Variants in AATK observed in about 807,000 individuals in gnomAD.
AATK encodes the protein lemur tail kinase 1.
A neutral mutation model predicts 114.3 loss-of-function variants in AATK; 91 were observed. The ratio of observed to expected loss-of-function variants is 0.80; its 90% CI spans 0.67 to 0.95. The LOEUF is 0.95. AATK is among the 40% of genes least tolerant of loss of function. The probability of loss-of-function intolerance (pLI) is 0.00; values close to 1 mark genes in which losing one functional copy is unlikely to be tolerated. For synonymous variants in AATK, 1,075 were observed against 916.5 expected (o/e 1.17, Z -3.12); for missense variants, 2,176 against 1,965.2 (o/e 1.11, Z -2.03).
intron 3 of AATK, chr17:81,128,995 G>A: frequency 2.2e-6 from 2 of 909,982 alleles, no homozygotes; most frequent in South Asian, 6.0e-5. Context: ...TCCTTTGTTG[G>A]GGGCTGCTTG....
rs2060683454 is a variant in AATK at position 81,120,246 on chromosome 17, C to T, written c.3690G>A (p.Lys1230=). Residue 1230 remains lysine, a synonymous_variant, in exon 11 of 14, where the codon AAG becomes AAA. Coordinates refer to ENST00000326724, the MANE Select transcript of AATK (RefSeq NM_001080395.3). The part of the protein sequence containing the change: ...TFCEDLERKK[K]AVSFFDDVTV... ...TGACGTCGTCGAAGAAGGACACGGC[C>T]TTCTTCTTGCGTTCCAGGTCCTCGC... The T allele has an allele frequency of 6.3e-7, 1 of 1,595,946 alleles. No homozygotes were observed. The highest frequency in any genetic ancestry group is 8.6e-7 in the Non-Finnish European group (1 of 1,167,690).
rs1421397622 is a variant in AATK, at chr17:81,133,835, C to G, written c.189+533G>C. 5.3e-5 allele frequency among the ~76,000 whole-genome samples: 8 copies of G among 152,168 alleles called. No homozygotes were observed. The East Asian group carries it at 1.5e-3, about 29-fold the overall frequency. ...GGCTCCCTAACCAGCAGGCTGGGCT[C>G]TAGCATCACACATCGTCCCCTCCAG... On this transcript the variant is annotated intron_variant, in intron 2 of 13. Coordinates refer to ENST00000326724, the MANE Select transcript of AATK (RefSeq NM_001080395.3).
At chr17:81,148,947 G>A (rs1456705377) in intron 1 of AATK, among the ~76,000 whole-genome samples, 1 of 152,188 alleles carries the variant, frequency 6.6e-6, no homozygotes, top group Non-Finnish European at 1.5e-5. Flanking sequence ...AGTTGGCGAG[G>A]TGTCCCCAGG....
In AATK at chr17:81,157,473, G is replaced by A. The variant is rs546350238; in HGVS notation, c.55+8465C>T. Reference sequence around the variant, plus strand: ...AGTGCTAGGACCAGCCCTACTCTCTGCTGCAGGGAACCCCCGCACAGTTCC... The same window carrying A: ...AGTGCTAGGACCAGCCCTACTCTCTACTGCAGGGAACCCCCGCACAGTTCC... On this transcript the variant is annotated intron_variant, in intron 1 of 13. Transcript: ENST00000326724. Among the ~76,000 whole-genome samples, 3 of 152,270 alleles carry A rather than the reference G, an allele frequency of 2.0e-5. No individual in the cohort carries two copies. The East Asian group carries it at 5.8e-4, about 29-fold the overall frequency.
At chr17:81,160,775 G>A (rs2061421719) in intron 1 of AATK, among the ~76,000 whole-genome samples, 1 of 152,240 alleles carries the variant, frequency 6.6e-6, no homozygotes, top group African/African-American at 2.4e-5. Flanking sequence ...GGGGTCAGGT[G>A]GCCCTCGAGA....
chr17:81,145,620 C>T (rs2061206023), intron 1 of AATK, among the ~76,000 whole-genome samples: 1 of 151,306 alleles, frequency 6.6e-6, no homozygotes, highest in Non-Finnish European at 1.5e-5. Context: ...GTAATCCTAG[C>T]TACTCGGGAG....
chr17:81,165,395 C>T (rs1598239850), intron 1 of AATK: 1 of 274,766 alleles, frequency 3.6e-6, no homozygotes, highest in Non-Finnish European at 7.4e-6. Flanking sequence ...GATCTGGGCA[C>T]CCACCAAGGC....
At chr17:81,151,277 GC>G (rs59399845) in intron 1 of AATK, among the ~76,000 whole-genome samples, 137,701 of 137,798 alleles carry the variant, frequency 1, 68,802 homozygotes, top group Middle Eastern at 1. Context: ...CCCAGGCCCA[GC>G]CCCACCTGTC....
At chr17:81,165,601 C>A in intron 1 of AATK, 5 of 1,394,750 alleles carry the variant, frequency 3.6e-6, no homozygotes, top group Non-Finnish European at 4.7e-6. Context: ...CTGACACCCC[C>A]CACACCCCCA....
intron 1 of AATK, chr17:81,165,612 A>G (rs2061478023): frequency 1.4e-6 from 2 of 1,423,092 alleles, no homozygotes; most frequent in Non-Finnish European, 1.9e-6. Context: ...CACACCCCCA[A>G]GGGCCCTTAG....
intron 7 of AATK, chr17:81,125,818 T>TGGGTTG (rs1403003475): frequency 3.0e-5 from 8 of 264,070 alleles, no homozygotes; most frequent in Non-Finnish European, 5.5e-5. Context: ...TGGAGTGGGG[T>TGGGTTG]GGGTTGGGGT....
At chr17:81,138,894 CAT>C (rs2061077793) in intron 1 of AATK, among the ~76,000 whole-genome samples, 1 of 152,016 alleles carries the variant, frequency 6.6e-6, no homozygotes, top group Non-Finnish European at 1.5e-5. Context: ...CACGCACACA[CAT>C]ATAACCACAC....
rs538425310 is a variant in AATK at position 81,118,248 on chromosome 17, G to T, written c.*154C>A. 5.7e-6 allele frequency: 4 copies of T among 701,826 alleles called. No homozygotes were observed. The highest frequency in any genetic ancestry group is 2.8e-5 in the Admixed American group (1 of 35,476). 43.5% of individuals were successfully genotyped at this position (701,826 alleles called of 1,614,324 possible). A position where few individuals can be genotyped will look rare whatever the true frequency, so the allele number is the denominator to read the frequency against. On this transcript the variant is annotated 3_prime_UTR_variant, in exon 14 of 14. Coordinates refer to ENST00000326724, the MANE Select transcript of AATK (RefSeq NM_001080395.3). ...TACCATCCAGGGCCTCTCATCCCACGGGCTTCTCCAGGACACCGCGTGGGG... is the reference window on the plus strand; with the variant it reads ...TACCATCCAGGGCCTCTCATCCCACTGGCTTCTCCAGGACACCGCGTGGGG...
At chr17:81,145,977 G>C (rs555589353) in intron 1 of AATK, among the ~76,000 whole-genome samples, 155 of 150,530 alleles carry the variant, frequency 1.0e-3, no homozygotes, top group African/African-American at 3.6e-3. Context: ...CACTCGAGGT[G>C]AGGAGTTCGA....
In AATK at chr17:81,122,162, C is replaced by T. The variant is rs202047864; in HGVS notation, c.1774G>A (p.Asp592Asn). The change falls in exon 11 of 14, where the codon GAC (aspartate) becomes AAC (asparagine). Residue 592 changes from aspartate (D) to asparagine (N), a missense_variant. Asp to Asn is a conservative substitution (Grantham distance 23, BLOSUM62 1). Around this residue, in one of 4 missense-constraint regions of AATK, gnomAD observed 1,701 missense variants for 1,394.7 expected, o/e 1.22. Transcript: ENST00000326724. ...PPVDVPWGRG[D>N]HYPRRSLARD... ...GCCAAGCTTCTGCGAGGGTAGTGGT[C>T]GCCGCGGCCCCAGGGGACGTCGACG... 1.6e-5 allele frequency: 25 copies of T among 1,515,524 alleles called. No homozygotes were observed. Among genetic ancestry groups the T allele is most frequent in the African/African-American group, 4.1e-5 (3 of 72,536 alleles). The allele number at this position is 1,515,524 out of a possible 1,614,324, so 93.9% of individuals were successfully genotyped here. A position where few individuals can be genotyped will look rare whatever the true frequency, so the allele number is the denominator to read the frequency against.
intron 11 of AATK, 58 bp from the exon 12 acceptor site, chr17:81,120,141 C>G: frequency 6.6e-7 from 1 of 1,510,226 alleles, no homozygotes; most frequent in Middle Eastern, 1.8e-4. Context: ...GCCGCTCCCA[C>G]CCCTTCCTGC....
rs114071800 is a variant in AATK at position 81,131,700 on chromosome 17, C to T, written c.190-495G>A. On this transcript the variant is annotated intron_variant, in intron 2 of 13. Transcript: ENST00000326724. ...CCCAGCACCTCTCAGCCACCCACAT[C>T]CCGAGCAGCCCCTCACCCCGGGCTG... Among the ~76,000 whole-genome samples the T allele has an allele frequency of 3.6e-3, 553 of 152,276 alleles. 3 individuals are homozygous for T. Among genetic ancestry groups the T allele is most frequent in the African/African-American group, 0.013 (534 of 41,546 alleles).
intron 1 of AATK, among the ~76,000 whole-genome samples, chr17:81,145,714 C>T (rs760333443): frequency 2.0e-4 from 21 of 105,182 alleles, no homozygotes; most frequent in East Asian, 2.9e-4. Flanking sequence ...GCCTTGGCAA[C>T]GAGAGCAAAA....
chr17:81,158,519 CG>C, intron 1 of AATK, among the ~76,000 whole-genome samples: 1 of 152,340 alleles, frequency 6.6e-6, no homozygotes, highest in African/African-American at 2.4e-5. Flanking sequence ...CACAGGGTCA[CG>C]GGAAGTGAAG....
Sources: gnomAD v4.1 joint callset for allele counts (sites outside exome capture counted in the v4.1 genomes callset) on GRCh38, gnomAD v4.1.1 for gene constraint, gnomAD v4.1.1 regional missense constraint, MANE v1.5 for transcripts, NCBI Gene and HGNC (gene_info 2026-07-23, HGNC 2026-07-21) for gene names.